Variants in LRMDA observed in about 807,000 individuals in gnomAD.
LRMDA encodes the protein leucine-rich melanocyte differentiation-associated protein.
Under a neutral mutation model 29.8 loss-of-function variants are expected in LRMDA, and 18 were observed. The observed-to-expected ratio is 0.60, with a 90% CI of 0.42 to 0.90. The LOEUF (loss-of-function observed/expected upper bound fraction) is 0.90, where lower values mean the gene tolerates loss of function less well. Among genes scored for constraint, LRMDA ranks in the 40% least tolerant of loss-of-function variants. The pLI, the probability that LRMDA is intolerant of heterozygous loss-of-function variation, is 0.00. For synonymous variants in LRMDA, 125 were observed against 109.4 expected (o/e 1.14, Z -0.89); for missense variants, 273 against 273.9 (o/e 1.00, Z 0.02).
intron 2 of LRMDA, among the ~76,000 whole-genome samples, chr10:75,691,939 C>T (rs184673024): frequency 1.4e-4 from 22 of 152,190 alleles, no homozygotes; most frequent in Non-Finnish European, 4.4e-5. Context: ...CACTGTGGCT[C>T]ATGCCTGTAA....
chr10:76,182,795 C>T (rs1851077937), intron 5 of LRMDA, among the ~76,000 whole-genome samples: 1 of 152,134 alleles, frequency 6.6e-6, no homozygotes, highest in Admixed American at 6.5e-5. Flanking sequence ...GAAGAGTTTG[C>T]TACACACATT....
At chr10:75,683,503 G>T (rs1178937986) in intron 2 of LRMDA, among the ~76,000 whole-genome samples, 2 of 152,198 alleles carry the variant, frequency 1.3e-5, no homozygotes, top group Non-Finnish European at 2.9e-5. Context: ...ATGGAATGAT[G>T]CAAAACCAGT....
intron 2 of LRMDA, among the ~76,000 whole-genome samples, chr10:75,472,279 C>G (rs918673970): frequency 2.6e-5 from 4 of 152,130 alleles, no homozygotes; most frequent in African/African-American, 9.7e-5. Flanking sequence ...TTCCTGTCTC[C>G]CCAAAACCAG....
intron 5 of LRMDA, among the ~76,000 whole-genome samples, chr10:76,079,919 G>C (rs1252559058): frequency 2.6e-5 from 4 of 152,202 alleles, no homozygotes; most frequent in African/African-American, 9.6e-5. Flanking sequence ...TCATAGCATA[G>C]AGCCTTCTGT....
intron 2 of LRMDA, among the ~76,000 whole-genome samples, chr10:76,010,888 C>T (rs1754349286): frequency 6.6e-6 from 1 of 152,204 alleles, no homozygotes; most frequent in Admixed American, 6.5e-5. Context: ...GAACGGAGAT[C>T]CTGAGGGTAA....
At chr10:75,996,378 A>G (rs1847462349) in intron 2 of LRMDA, among the ~76,000 whole-genome samples, 1 of 152,158 alleles carries the variant, frequency 6.6e-6, no homozygotes, top group Non-Finnish European at 1.5e-5. Context: ...AATCCAGGTC[A>G]ATTTTCCCCT....
chr10:76,024,912 T>C (rs1848035122), intron 2 of LRMDA, among the ~76,000 whole-genome samples: 1 of 152,232 alleles, frequency 6.6e-6, no homozygotes. Flanking sequence ...GCCCAATGGC[T>C]GTGGGCGCCT....
chr10:75,565,666 C>T (rs137962312), intron 2 of LRMDA, among the ~76,000 whole-genome samples: 1 of 152,168 alleles, frequency 6.6e-6, no homozygotes, highest in South Asian at 2.1e-4. Flanking sequence ...ATTTTACTAG[C>T]CAATAAATAA....
chr10:76,377,131 C>T (rs1841531664), intron 6 of LRMDA, among the ~76,000 whole-genome samples: 1 of 151,882 alleles, frequency 6.6e-6, no homozygotes, highest in Non-Finnish European at 1.5e-5. Flanking sequence ...ATGATCTGCC[C>T]ACCTCGGCCT....
intron 5 of LRMDA, among the ~76,000 whole-genome samples, chr10:76,278,557 C>G (rs759727972): frequency 6.6e-6 from 1 of 152,200 alleles, no homozygotes; most frequent in Non-Finnish European, 1.5e-5. Flanking sequence ...TGACCCTCAA[C>G]AAGATAACCT....
At chr10:75,804,836 G>C (rs531935366) in intron 2 of LRMDA, among the ~76,000 whole-genome samples, 1 of 152,290 alleles carries the variant, frequency 6.6e-6, no homozygotes, top group African/African-American at 2.4e-5. Context: ...TTAAATGTTG[G>C]GAAGGCCATT....
chr10:76,038,959 G>A (rs1339052264), intron 3 of LRMDA, among the ~76,000 whole-genome samples: 1 of 152,202 alleles, frequency 6.6e-6, no homozygotes, highest in African/African-American at 2.4e-5. Flanking sequence ...ACTGGGGCTG[G>A]ATGGTCTAAG....
chr10:76,449,450 T>G (rs1372263996), intron 6 of LRMDA, among the ~76,000 whole-genome samples: 3 of 151,950 alleles, frequency 2.0e-5, no homozygotes, highest in Admixed American at 2.0e-4. Flanking sequence ...TATCATTGTT[T>G]TTTGCAAGAC....
Position 76,058,531 on chromosome 10 carries a change from G to T in LRMDA, c.399-135G>T. ...GAACAGTTGTTTATTCTTTGTGAAA[G>T]AAGAGAGGAGGCGCAGCCAAGGTCT... On this transcript the variant is annotated intron_variant, in intron 4 of 6. Transcript: ENST00000611255. 9.7e-6 allele frequency: 7 copies of T among 725,202 alleles called. No homozygotes were observed. The South Asian group carries it at 1.1e-4, about 12-fold the overall frequency. The allele number at this position is 725,202 out of a possible 1,614,324, so 44.9% of individuals were successfully genotyped here.
intron 5 of LRMDA, among the ~76,000 whole-genome samples, chr10:76,176,010 G>T (rs1382545070): frequency 1.3e-5 from 2 of 152,198 alleles, no homozygotes; most frequent in Non-Finnish European, 2.9e-5. Flanking sequence ...AATGAGCCGG[G>T]CCTGGAGAGG....
intron 5 of LRMDA, among the ~76,000 whole-genome samples, chr10:76,204,504 C>T (rs902302524): frequency 6.6e-6 from 1 of 152,190 alleles, no homozygotes; most frequent in African/African-American, 2.4e-5. Flanking sequence ...TTAATTTATC[C>T]AGCTCTTGCA....
chr10:75,723,245 A>G (rs749312459), intron 2 of LRMDA, among the ~76,000 whole-genome samples: 3 of 152,228 alleles, frequency 2.0e-5, no homozygotes, highest in African/African-American at 4.8e-5. Flanking sequence ...GGAGCCTGCC[A>G]TGAACTGGCT....
At chr10:76,067,397 G>T (rs7909137) in intron 5 of LRMDA, among the ~76,000 whole-genome samples, 56,555 of 152,020 alleles carry the variant, frequency 0.37, 11,604 homozygotes, top group Non-Finnish European at 0.45. Flanking sequence ...CATTTTGTTT[G>T]TGCAATGTAG....
rs190008028 is a variant in LRMDA, at chr10:76,051,964, C to T, written c.398+4661C>T. ...ATTATTATGAAACATATACGTTCAG[C>T]AGTTGATCACGGCTTCTGTTCAGCA... On this transcript the variant is annotated intron_variant, in intron 4 of 6. Transcript: ENST00000611255. 9.7e-4 allele frequency among the ~76,000 whole-genome samples: 148 copies of T among 152,326 alleles called. 3 individuals are homozygous for T. The highest frequency in any genetic ancestry group is 9.5e-3 in the Admixed American group (145 of 15,308).
Sources: allele counts gnomAD v4.1 joint callset (sites outside exome capture counted in the v4.1 genomes callset), GRCh38; gene constraint gnomAD v4.1.1; transcripts MANE v1.5; gene names NCBI Gene and HGNC (gene_info 2026-07-23, HGNC 2026-07-21).